The following ZNF516 variants were observed in gnomAD, a reference collection of about 807,000 sequenced individuals.
ZNF516 encodes zinc finger protein 516.
ZNF516 carries 19 observed loss-of-function variants against 79.7 expected under a neutral mutation model. That is an observed-to-expected ratio of 0.24 (90% CI 0.17 to 0.35). The LOEUF (loss-of-function observed/expected upper bound fraction) is 0.35, where lower values mean the gene tolerates loss of function less well. Ranked by LOEUF, ZNF516 falls within the 10% of genes least tolerant of loss-of-function variation. The probability of loss-of-function intolerance (pLI) is 1.00; values close to 1 mark genes in which losing one functional copy is unlikely to be tolerated. For synonymous variants in ZNF516, 877 were observed against 739.5 expected, an observed-to-expected ratio of 1.19 and a Z score of -3.02; for missense variants, 1,678 against 1,679.5, an observed-to-expected ratio of 1.00 and a Z score of 0.02.
At chr18:76,392,503 G>T (rs1216837769) in intron 3 of ZNF516, among the ~76,000 whole-genome samples, 1 of 151,900 alleles carries the variant, frequency 6.6e-6, no homozygotes, top group African/African-American at 2.4e-5. Context: ...TGGGAAGGCA[G>T]GTGGGAAGGT....
chr18:76,460,078 G>A (rs143181982), intron 2 of ZNF516, among the ~76,000 whole-genome samples: 10 of 152,212 alleles, frequency 6.6e-5, no homozygotes, highest in Non-Finnish European at 1.2e-4. Flanking sequence ...ACCAGGACTC[G>A]TTCTGTTGGA....
intron 3 of ZNF516, among the ~76,000 whole-genome samples, chr18:76,382,582 G>A (rs532158163): frequency 6.6e-6 from 1 of 152,230 alleles, no homozygotes; most frequent in East Asian, 1.9e-4. Flanking sequence ...AGAACTTCCA[G>A]TACCTCTGAC....
intron 3 of ZNF516, among the ~76,000 whole-genome samples, chr18:76,408,771 T>C (rs946986703): frequency 6.6e-5 from 10 of 152,252 alleles, no homozygotes; most frequent in African/African-American, 7.2e-5. Flanking sequence ...AAGCTGTCCT[T>C]AGATTTCCAG....
intron 3 of ZNF516, among the ~76,000 whole-genome samples, chr18:76,431,927 G>A (rs2075666625): frequency 6.6e-6 from 1 of 152,204 alleles, no homozygotes; most frequent in Non-Finnish European, 1.5e-5. Context: ...AGTGCCCCAT[G>A]CATTCCGCCT....
intron 3 of ZNF516, 85 bp downstream of exon 3, chr18:76,441,160 C>T: frequency 6.7e-7 from 1 of 1,491,528 alleles, no homozygotes; most frequent in African/African-American, 1.4e-5. Flanking sequence ...ATGAGCGAGC[C>T]TACTTGAGTA....
chr18:76,396,244 C>G (rs1810558158), intron 3 of ZNF516, among the ~76,000 whole-genome samples: 1 of 151,986 alleles, frequency 6.6e-6, no homozygotes, highest in Admixed American at 6.5e-5. Flanking sequence ...GAAACTAGCC[C>G]CATACAAGTG....
chr18:76,443,509 A>C (rs938275593), intron 2 of ZNF516, among the ~76,000 whole-genome samples: 1 of 152,202 alleles, frequency 6.6e-6, no homozygotes, highest in African/African-American at 2.4e-5. Flanking sequence ...CTGTAGTACC[A>C]GAGTGTGTAG....
intron 3 of ZNF516, among the ~76,000 whole-genome samples, chr18:76,384,811 T>C (rs2074958878): frequency 6.6e-6 from 1 of 152,050 alleles, no homozygotes; most frequent in African/African-American, 2.4e-5. Flanking sequence ...TCCCCACCAA[T>C]CTGACAGCCC....
rs531447233 is a variant in ZNF516 at position 76,492,612 on chromosome 18, C to G, written c.-272+2532G>C. ...ATCCGCGTTCTCAGTTCGCTTTGCC[C>G]GGGCGAGTGGGTTCCATCATCACCT... On this transcript the variant is annotated intron_variant, in intron 1 of 6. Transcript: ENST00000443185. 4.8e-6 allele frequency: 3 copies of G among 623,978 alleles called. No individual in the cohort carries two copies. The East Asian group carries it at 4.2e-4, about 87-fold the overall frequency. 38.7% of individuals were successfully genotyped at this position (623,978 alleles called of 1,614,324 possible). A position where few individuals can be genotyped will look rare whatever the true frequency, so the allele number is the denominator to read the frequency against.
intron 3 of ZNF516, among the ~76,000 whole-genome samples, chr18:76,434,693 C>T (rs1362696137): frequency 2.0e-5 from 3 of 152,234 alleles, no homozygotes; most frequent in South Asian, 2.1e-4. Context: ...CCTGGGACTA[C>T]GCATTCCTGC....
At chr18:76,395,106 A>AGCCTGCATGCCTGCATGCCTGCAT (rs146091093) in intron 3 of ZNF516, among the ~76,000 whole-genome samples, 4 of 152,166 alleles carry the variant, frequency 2.6e-5, no homozygotes, top group African/African-American at 9.7e-5. Context: ...TCACAGACAA[A>AGCCTGCATGCCTGCATGCCTGCAT]GCCTGCATGC....
At chr18:76,476,702 C>T (rs1490351595) in intron 1 of ZNF516, among the ~76,000 whole-genome samples, 13 of 152,172 alleles carry the variant, frequency 8.5e-5, no homozygotes, top group African/African-American at 3.1e-4. Flanking sequence ...CAAAACCAGT[C>T]ATGGTTTGTC....
intron 6 of ZNF516, 72 bp downstream of exon 6, chr18:76,370,456 G>T: frequency 7.3e-7 from 1 of 1,375,288 alleles, no homozygotes; most frequent in Non-Finnish European, 9.9e-7. Context: ...ATGCTTCAGT[G>T]ATGAGCATCA....
chr18:76,370,865 C>T (rs561997704), intron 5 of ZNF516, among the ~76,000 whole-genome samples: 1 of 152,232 alleles, frequency 6.6e-6, no homozygotes, highest in African/African-American at 2.4e-5. Flanking sequence ...GGACCCTCTT[C>T]TTGCATTACT....
At chr18:76,391,657 G>A (rs1224077781) in intron 3 of ZNF516, among the ~76,000 whole-genome samples, 1 of 152,180 alleles carries the variant, frequency 6.6e-6, no homozygotes, top group African/African-American at 2.4e-5. Context: ...CAAACATGAT[G>A]TACTGGCATC....
rs528120094 is a variant in ZNF516, at chr18:76,483,314, G to C, written c.-272+11830C>G. On this transcript the variant is annotated intron_variant, in intron 1 of 6. Transcript: ENST00000443185. Reference sequence around the variant, plus strand: ...AAAGGAGGAGAATGCACACTTTCCTGGGTTCAGCTCTCTGGGGTCCCCAAC... The same window carrying C: ...AAAGGAGGAGAATGCACACTTTCCTCGGTTCAGCTCTCTGGGGTCCCCAAC... 2.6e-5 allele frequency among the ~76,000 whole-genome samples: 4 copies of C among 152,254 alleles called. No individual in the cohort carries two copies. The East Asian group carries it at 7.7e-4, about 29-fold the overall frequency.
At chr18:76,496,344 G>C, upstream of ZNF516, 1 of 1,289,712 alleles carries the variant, frequency 7.8e-7, no homozygotes, top group African/African-American at 1.5e-5. Context: ...TTCCGTCCAA[G>C]ACGCCCAACG....
rs1400936616 is a variant in ZNF516, at chr18:76,360,612, G to A, written c.*1886C>T. ...TCATTTTCGTACATATCTGGTGTAA[G>A]AATATCAGAAAAAAATAAGTAAAAA... On this transcript the variant is annotated 3_prime_UTR_variant, in exon 7 of 7. Coordinates refer to ENST00000443185, the MANE Select transcript of ZNF516 (RefSeq NM_014643.4). The A allele has an allele frequency of 8.6e-5, 5 of 58,366 alleles. No individual in the cohort carries two copies. Among genetic ancestry groups the A allele is most frequent in the African/African-American group, 2.9e-4 (4 of 13,980 alleles). The allele number at this position is 58,366 out of a possible 1,614,324, so 3.6% of individuals were successfully genotyped here. A position where few individuals can be genotyped will look rare whatever the true frequency, so the allele number is the denominator to read the frequency against.
At chr18:76,444,746 C>A (rs367857854) in intron 2 of ZNF516, among the ~76,000 whole-genome samples, 7 of 152,214 alleles carry the variant, frequency 4.6e-5, no homozygotes, top group Non-Finnish European at 1.0e-4. Flanking sequence ...ATACCTCCCC[C>A]ACGGGGGTCG....
Sources: gnomAD v4.1 joint callset for allele counts (sites outside exome capture counted in the v4.1 genomes callset) on GRCh38, gnomAD v4.1.1 for gene constraint, MANE v1.5 for transcripts, NCBI Gene and HGNC (gene_info 2026-07-23, HGNC 2026-07-21) for gene names.